DEFB114: variants seen among roughly 807,000 people sequenced by gnomAD.
DEFB114 encodes defensin beta 114, also known as beta-defensin 114.
A neutral mutation model predicts 2.4 loss-of-function variants in DEFB114; 4 were observed. The observed-to-expected ratio is 1.67, with a 90% CI of 0.82 to 3.82. The LOEUF (loss-of-function observed/expected upper bound fraction) is 3.82. Among genes scored for constraint, DEFB114 ranks in the 30% most tolerant of loss-of-function variants. The pLI, the probability that DEFB114 is intolerant of heterozygous loss-of-function variation, is 0.01. For synonymous variants in DEFB114, 35 were observed against 24.6 expected (o/e 1.42, Z -1.26); for missense variants, 113 against 85.8 (o/e 1.32, Z -1.25).
intron 1 of DEFB114, among the ~76,000 whole-genome samples, chr6:49,961,042 T>A (rs1468656064): frequency 6.6e-6 from 1 of 150,808 alleles, no homozygotes; most frequent in Non-Finnish European, 1.5e-5. Flanking sequence ...TTAAAATTAA[T>A]AAGTTCATAA....
chr6:49,961,597 C>G (rs1303215080), intron 1 of DEFB114, among the ~76,000 whole-genome samples: 1 of 150,608 alleles, frequency 6.6e-6, no homozygotes, highest in Non-Finnish European at 1.5e-5. Flanking sequence ...ACAGCAGATG[C>G]TTTATTGTAT....
At chr6:49,963,333 GT>G (rs2113913075) in intron 1 of DEFB114, among the ~76,000 whole-genome samples, 1 of 150,120 alleles carries the variant, frequency 6.7e-6, no homozygotes, top group Admixed American at 6.7e-5. Flanking sequence ...TTTCTTTACA[GT>G]TTTGTCAAAG....
chr6:49,960,525 T>C, intron 1 of DEFB114, 79 bp from the exon 2 acceptor site: 1 of 1,416,798 alleles, frequency 7.1e-7, no homozygotes. Flanking sequence ...GAGTATGATG[T>C]GTACATTGTA....
At position 49,960,281 on chromosome 6, in the gene DEFB114, T is replaced by A. The variant is rs766323453; in HGVS notation, c.*11A>T. The A allele has an allele frequency of 5.0e-6, 8 of 1,597,208 alleles. No individual in the cohort carries two copies. In the South Asian group the frequency reaches 9.0e-5, roughly 18 times the overall value. ...CATGTAACTTCTTTGTTCAGAGGTATGCCTTTCTTTTCAAAACATATCATC... is the reference window on the plus strand; with the variant it reads ...CATGTAACTTCTTTGTTCAGAGGTAAGCCTTTCTTTTCAAAACATATCATC... On this transcript the variant is annotated 3_prime_UTR_variant, in exon 2 of 2. Coordinates refer to ENST00000322066, the MANE Select transcript of DEFB114 (RefSeq NM_001037499.2).
At chr6:49,962,790 T>C (rs1334304525) in intron 1 of DEFB114, among the ~76,000 whole-genome samples, 1 of 150,342 alleles carries the variant, frequency 6.7e-6, no homozygotes, top group Non-Finnish European at 1.5e-5. Flanking sequence ...CATATGGCTA[T>C]GCAATGGAAC....
intron 1 of DEFB114, among the ~76,000 whole-genome samples, chr6:49,960,849 T>C (rs567095905): frequency 3.2e-4 from 49 of 151,042 alleles, no homozygotes; most frequent in Non-Finnish European, 2.8e-4. Context: ...TTAATACTTA[T>C]ATGATATATC....
rs1773437940 is a variant in DEFB114, at chr6:49,960,405, A to G, written c.97T>C (p.Tyr33His). 1 of 1,607,566 alleles carries G rather than the reference A, an allele frequency of 6.2e-7. No homozygotes were observed. Among genetic ancestry groups the G allele is most frequent in the Non-Finnish European group, 8.5e-7 (1 of 1,176,164 alleles). The change falls in exon 2 of 2, where the codon TAC becomes CAC. Residue 33 changes from tyrosine (Y) to histidine (H), a missense_variant. Transcript: ENST00000322066. ...LVNADRCTKR[Y>H]GRCKRDCLES... is the part of the protein sequence containing the mutation. ...AGACAGTCTCTTTTACAACGACCGTAACGTTTGGTGCAACGATCAGCATTC... is the reference window on the plus strand; with the variant it reads ...AGACAGTCTCTTTTACAACGACCGTGACGTTTGGTGCAACGATCAGCATTC...
At chr6:49,963,702 G>T (rs1015028656) in intron 1 of DEFB114, among the ~76,000 whole-genome samples, 2 of 149,580 alleles carry the variant, frequency 1.3e-5, no homozygotes, top group Non-Finnish European at 3.0e-5. Flanking sequence ...AGTTCATTCA[G>T]TTTCTCTAGG....
At chr6:49,961,474 A>G (rs1038085983) in intron 1 of DEFB114, among the ~76,000 whole-genome samples, 9 of 150,750 alleles carry the variant, frequency 6.0e-5, no homozygotes, top group African/African-American at 2.2e-4. Flanking sequence ...TAATGTTGTT[A>G]TATGCTAAAC....
intron 1 of DEFB114, among the ~76,000 whole-genome samples, chr6:49,962,515 T>C (rs1284079022): frequency 1.3e-5 from 2 of 150,434 alleles, no homozygotes; most frequent in Non-Finnish European, 3.0e-5. Flanking sequence ...GCTAAATGTA[T>C]TGAACATATT....
At chr6:49,963,980 C>T (rs1773502368) in intron 1 of DEFB114, 71 bp downstream of exon 1, 2 of 1,191,146 alleles carry the variant, frequency 1.7e-6, no homozygotes, top group Admixed American at 2.3e-5. Context: ...TTGCATTCTA[C>T]AATTAATAAT....
chr6:49,962,156 T>A (rs925544892), intron 1 of DEFB114, among the ~76,000 whole-genome samples: 1 of 150,602 alleles, frequency 6.6e-6, no homozygotes, highest in Non-Finnish European at 1.5e-5. Context: ...TCAACATTAA[T>A]AGATAATGCC....
chr6:49,960,593 T>C (rs1435280477), intron 1 of DEFB114, 147 bp from the exon 2 acceptor site: 2 of 664,068 alleles, frequency 3.0e-6, no homozygotes, highest in Admixed American at 7.8e-5. Flanking sequence ...ACCCCATGTA[T>C]ATATAACTAT....
Position 49,964,159 on chromosome 6 carries a change from A to AC in DEFB114, c.-55dup. 1 of 1,263,342 alleles carries AC rather than the reference A, an allele frequency of 7.9e-7. No individual in the cohort carries two copies. The highest frequency in any genetic ancestry group is 1.1e-6 in the Non-Finnish European group (1 of 905,504). The allele number at this position is 1,263,342 out of a possible 1,614,324, so 78.3% of individuals were successfully genotyped here. A position where few individuals can be genotyped will look rare whatever the true frequency, so the allele number is the denominator to read the frequency against. ...GATAACAGAATATAGAGACTATAGAACTTTCCAAAACCCAAAAGACGTTTA... is the reference window on the plus strand; with the variant it reads ...GATAACAGAATATAGAGACTATAGAACCTTTCCAAAACCCAAAAGACGTTTA... On this transcript the variant is annotated 5_prime_UTR_variant, in exon 1 of 2. Transcript: ENST00000322066.
At chr6:49,960,570 A>T in intron 1 of DEFB114, 124 bp from the exon 2 acceptor site, 3 of 995,534 alleles carry the variant, frequency 3.0e-6, no homozygotes, top group South Asian at 4.1e-5. Flanking sequence ...AAATAAATCC[A>T]TGTATATCTT....
intron 1 of DEFB114, 96 bp from the exon 2 acceptor site, chr6:49,960,542 T>C: frequency 7.6e-7 from 1 of 1,323,598 alleles, no homozygotes; most frequent in East Asian, 2.7e-5. Context: ...TGTATCAAGT[T>C]TAGAAAATAC....
rs1773439078 is a variant in DEFB114, at chr6:49,960,431, AC to A, written c.70del (p.Val24Ter). The A allele has an allele frequency of 1.9e-6, 3 of 1,600,616 alleles. No individual in the cohort carries two copies. The highest frequency in any genetic ancestry group is 2.6e-6 in the Non-Finnish European group (3 of 1,173,498). On this transcript the variant is annotated frameshift_variant, in exon 2 of 2. Coordinates refer to ENST00000322066, the MANE Select transcript of DEFB114 (RefSeq NM_001037499.2). LOFTEE classifies it low-confidence loss of function (END_TRUNC). Reference protein sequence around the residue: ...TFILPATCTLVNADRCTKRYG... With the variant: ...TFILPATCTLXNADRCTKRYG... ...ACGTTTGGTGCAACGATCAGCATTC[AC>A]CAAGGTACATGTGGCTACGGTAAAA...
rs146335986 is a variant in DEFB114, at chr6:49,960,408, G to A, written c.94C>T (p.Arg32Cys). 2.4e-5 allele frequency: 38 copies of A among 1,606,568 alleles called. No homozygotes were observed. The highest frequency in any genetic ancestry group is 1.4e-4 in the African/African-American group (10 of 74,070). ...CAGTCTCTTTTACAACGACCGTAAC[G>A]TTTGGTGCAACGATCAGCATTCACC... ...TLVNADRCTK[R>C]YGRCKRDCLE... Residue 32 changes from arginine to cysteine, a missense_variant, in exon 2 of 2, where the codon CGT becomes TGT. Physicochemically the swap from Arg to Cys is radical, Grantham distance 180. Transcript: ENST00000322066.
intron 1 of DEFB114, 26 bp downstream of exon 1, chr6:49,964,025 A>T (rs1007579820): frequency 1.3e-6 from 2 of 1,516,688 alleles, no homozygotes; most frequent in Non-Finnish European, 1.8e-6. Context: ...AGTTTTACAC[A>T]AATATAACAG....
Sources: gnomAD v4.1 joint callset for allele counts (sites outside exome capture counted in the v4.1 genomes callset) on GRCh38, gnomAD v4.1.1 for gene constraint, MANE v1.5 for transcripts, NCBI Gene and HGNC (gene_info 2026-07-23, HGNC 2026-07-21) for gene names.